The following KCNIP1 variants were observed in gnomAD, a reference collection of about 807,000 sequenced individuals.
The protein encoded by KCNIP1 is A-type potassium channel modulatory protein KCNIP1.
In KCNIP1, 18 loss-of-function variants were observed where a neutral mutation model predicts 33.0. The observed-to-expected ratio is 0.55, with a 90% CI of 0.38 to 0.81. The LOEUF is 0.81. Ranked by LOEUF, KCNIP1 falls within the 30% of genes least tolerant of loss-of-function variation. The pLI is 0.00. For missense variants in KCNIP1, 238 were observed against 271.6 expected (o/e 0.88, Z 0.87); for synonymous variants, 93 against 98.3 (o/e 0.95, Z 0.32).
At chr5:170,573,308 A>C (rs1757484895) in intron 1 of KCNIP1, among the ~76,000 whole-genome samples, 1 of 152,156 alleles carries the variant, frequency 6.6e-6, no homozygotes, top group South Asian at 2.1e-4. Flanking sequence ...CTGCCCTCTG[A>C]AATTCGAGCA....
chr5:170,543,213 G>A (rs1352458350), intron 1 of KCNIP1, among the ~76,000 whole-genome samples: 1 of 152,178 alleles, frequency 6.6e-6, no homozygotes, highest in Non-Finnish European at 1.5e-5. Flanking sequence ...TCACGCCTAT[G>A]TAAATACTAC....
chr5:170,569,576 G>A (rs1276765274), intron 1 of KCNIP1, among the ~76,000 whole-genome samples: 1 of 152,144 alleles, frequency 6.6e-6, no homozygotes, highest in Non-Finnish European at 1.5e-5. Context: ...TGAGGTACCA[G>A]GTGGAAAAAG....
At chr5:170,698,652 A>T (rs1250785219) in intron 1 of KCNIP1, among the ~76,000 whole-genome samples, 1 of 150,374 alleles carries the variant, frequency 6.7e-6, no homozygotes, top group Non-Finnish European at 1.5e-5. Context: ...CACCCCACTC[A>T]CCAGTGTCTC....
upstream of KCNIP1, among the ~76,000 whole-genome samples, chr5:170,499,688 A>T (rs971542767): frequency 1.3e-5 from 2 of 152,108 alleles, no homozygotes; most frequent in Non-Finnish European, 2.9e-5. Context: ...GGGAGGAAGG[A>T]GGCAGCAGGG....
chr5:170,517,500 TGGA>T (rs1755170747), intron 1 of KCNIP1, among the ~76,000 whole-genome samples: 1 of 152,158 alleles, frequency 6.6e-6, no homozygotes, highest in Non-Finnish European at 1.5e-5. Context: ...ATGATGATGA[TGGA>T]GGATTACAAT....
intron 1 of KCNIP1, among the ~76,000 whole-genome samples, chr5:170,426,868 G>C (rs1755627047): frequency 6.6e-6 from 1 of 152,248 alleles, no homozygotes; most frequent in African/African-American, 2.4e-5. Context: ...CCATGTTTTG[G>C]CCTCAGGGAG....
chr5:170,696,297 G>T (rs1055713566), intron 1 of KCNIP1, among the ~76,000 whole-genome samples: 2 of 152,180 alleles, frequency 1.3e-5, no homozygotes, highest in African/African-American at 4.8e-5. Flanking sequence ...CAGAGGATGG[G>T]CCTGACTTAT....
chr5:170,520,639 G>A (rs1755331140), intron 1 of KCNIP1, among the ~76,000 whole-genome samples: 1 of 152,270 alleles, frequency 6.6e-6, no homozygotes, highest in East Asian at 1.9e-4. Flanking sequence ...AAGGCTGTAG[G>A]AAGATCCAAC....
intron 1 of KCNIP1, among the ~76,000 whole-genome samples, chr5:170,598,904 C>CGCGTGTGT (rs1412098474): frequency 5.1e-4 from 68 of 133,868 alleles, no homozygotes; most frequent in Non-Finnish European, 8.7e-4. Context: ...TGTGTGTGCG[C>CGCGTGTGT]GTGTGTGTGT....
intron 1 of KCNIP1, among the ~76,000 whole-genome samples, chr5:170,661,141 G>A (rs1250081330): frequency 1.3e-5 from 2 of 152,216 alleles, no homozygotes; most frequent in Admixed American, 1.3e-4. Flanking sequence ...CAGGTGGAGA[G>A]GTTGAGGAGA....
intron 1 of KCNIP1, among the ~76,000 whole-genome samples, chr5:170,372,478 G>C (rs147373549): frequency 1.3e-5 from 2 of 152,078 alleles, no homozygotes; most frequent in African/African-American, 4.8e-5. Context: ...AGAGGTTGCC[G>C]GGTAGAGCTG....
intron 1 of KCNIP1, among the ~76,000 whole-genome samples, chr5:170,424,167 G>A (rs140854642): frequency 6.6e-6 from 1 of 152,198 alleles, no homozygotes; most frequent in Admixed American, 6.5e-5. Context: ...ATGCTCTTGG[G>A]TTCCCTGTCC....
At chr5:170,696,569 C>G (rs750815085) in intron 1 of KCNIP1, among the ~76,000 whole-genome samples, 2 of 152,128 alleles carry the variant, frequency 1.3e-5, no homozygotes, top group Non-Finnish European at 2.9e-5. Context: ...GAGGGCAGCA[C>G]ATTGTACAAC....
chr5:170,640,826 C>A (rs762808723), intron 1 of KCNIP1, among the ~76,000 whole-genome samples: 21 of 152,136 alleles, frequency 1.4e-4, no homozygotes, highest in Non-Finnish European at 2.1e-4. Flanking sequence ...AGGGGGGACA[C>A]CTCACAGAAG....
At chr5:170,359,680 AG>A (rs966652121) in intron 1 of KCNIP1, among the ~76,000 whole-genome samples, 5 of 152,222 alleles carry the variant, frequency 3.3e-5, no homozygotes, top group African/African-American at 1.2e-4. Flanking sequence ...GCCTGCCAGG[AG>A]GGGCATGTGT....
At chr5:170,484,104 C>T (rs114541447) in intron 1 of KCNIP1, 2,281 of 152,616 alleles carry the variant, frequency 0.015, 62 homozygotes, top group Admixed American at 0.076. Context: ...CAGAGCATCC[C>T]GCTGGCCATC....
At chr5:170,702,725 T>C (rs1384095819) in intron 1 of KCNIP1, among the ~76,000 whole-genome samples, 3 of 152,152 alleles carry the variant, frequency 2.0e-5, no homozygotes, top group Non-Finnish European at 4.4e-5. Context: ...ATCAAGCAGA[T>C]GATGTGATTA....
intron 1 of KCNIP1, among the ~76,000 whole-genome samples, chr5:170,662,974 C>T (rs1761557011): frequency 6.6e-6 from 1 of 152,320 alleles, no homozygotes. Flanking sequence ...CATAGGTGCT[C>T]TTCTCTTTTT....
chr5:170,721,013 C>T (rs1763800366), intron 3 of KCNIP1, among the ~76,000 whole-genome samples: 1 of 152,244 alleles, frequency 6.6e-6, no homozygotes, highest in Non-Finnish European at 1.5e-5. Context: ...TCCCCATGGG[C>T]CTGGGACCAC....
Sources: allele counts gnomAD v4.1 joint callset (sites outside exome capture counted in the v4.1 genomes callset), GRCh38; gene constraint gnomAD v4.1.1; transcripts MANE v1.5; gene names NCBI Gene and HGNC (gene_info 2026-07-23, HGNC 2026-07-21).